The following GLI3 variants were observed in gnomAD, a reference collection of about 807,000 sequenced individuals.
The protein encoded by GLI3 is transcription activator GLI3.
GLI3 carries 20 observed loss-of-function variants against 100.8 expected under a neutral mutation model. The ratio of observed to expected loss-of-function variants is 0.20; its 90% CI spans 0.14 to 0.29. GLI3 has a LOEUF of 0.29. Ranked by LOEUF, GLI3 falls within the 10% of genes least tolerant of loss-of-function variation. The pLI is 1.00. For missense variants in GLI3, 2,040 were observed against 2,128.5 expected, an observed-to-expected ratio of 0.96 and a Z score of 0.82; for synonymous variants, 938 against 860.5, an observed-to-expected ratio of 1.09 and a Z score of -1.58.
chr7:42,097,410 G>A lies in GLI3; in HGVS notation c.368-20553C>T, dbSNP rs1238962549. Among the ~76,000 whole-genome samples, 4 of 152,260 alleles carry A rather than the reference G, an allele frequency of 2.6e-5. No homozygotes were observed. In the East Asian group the frequency reaches 5.8e-4, roughly 22 times the overall value. ...AAGCAGCAGGCATCAGACCCCAGAC[G>A]GTCTCAGCCTCACAGGCCCTGGCCC... is the stretch of plus-strand genomic sequence containing the variant. On this transcript the variant is annotated intron_variant, in intron 3 of 14. Transcript: ENST00000395925.
chr7:42,203,396 C>A (rs1390888959), intron 2 of GLI3, among the ~76,000 whole-genome samples: 1 of 152,168 alleles, frequency 6.6e-6, no homozygotes, highest in Non-Finnish European at 1.5e-5. Context: ...TCCTGTCCCC[C>A]AAGTGCCCCA....
At chr7:42,249,620 A>G (rs1351571283) in intron 1 of GLI3, among the ~76,000 whole-genome samples, 1 of 152,198 alleles carries the variant, frequency 6.6e-6, no homozygotes, top group Non-Finnish European at 1.5e-5. Flanking sequence ...TATCTATTTC[A>G]TAGGGTGCTT....
At chr7:42,038,134 T>C (rs889578419) in intron 7 of GLI3, among the ~76,000 whole-genome samples, 6 of 152,224 alleles carry the variant, frequency 3.9e-5, no homozygotes, top group African/African-American at 1.4e-4. Context: ...CATGTAATAA[T>C]TGCACAATTG....
rs187975644 is a variant in GLI3 at position 42,119,643 on chromosome 7, C to T, written c.367+28583G>A. 2.9e-3 allele frequency among the ~76,000 whole-genome samples: 434 copies of T among 152,276 alleles called. 4 individuals carry two copies. Among genetic ancestry groups the T allele is most frequent in the Middle Eastern group, 0.01 (3 of 294 alleles). ...CACAAAGTAAAATATTCCCAGATTTCCTATAGAAAAATACAGTCACTTTTC... is the reference window on the plus strand; with the variant it reads ...CACAAAGTAAAATATTCCCAGATTTTCTATAGAAAAATACAGTCACTTTTC... On this transcript the variant is annotated intron_variant, in intron 3 of 14. Transcript: ENST00000395925.
At chr7:42,081,986 T>C (rs866417) in intron 3 of GLI3, among the ~76,000 whole-genome samples, 62,335 of 151,792 alleles carry the variant, frequency 0.41, 14,250 homozygotes, top group Admixed American at 0.58. Flanking sequence ...CAGCTAGGGA[T>C]GATTTTCTGT....
At chr7:42,103,867 T>A (rs1346184844) in intron 3 of GLI3, among the ~76,000 whole-genome samples, 1 of 152,190 alleles carries the variant, frequency 6.6e-6, no homozygotes, top group East Asian at 1.9e-4. Context: ...ATAAAAGTGC[T>A]ACAATCTGAT....
rs1207379990 is a variant in GLI3 at position 41,962,506 on chromosome 7, A to C, written c.*1824T>G. 6.6e-6 allele frequency: 1 copy of C among 152,244 alleles called. No individual in the cohort carries two copies. Among genetic ancestry groups the C allele is most frequent in the East Asian group, 1.9e-4 (1 of 5,200 alleles). 9.4% of individuals were successfully genotyped at this position (152,244 alleles called of 1,614,324 possible). ...GAGACACATCCGTTAATTTCAAAGA[A>C]GACTTACATGGGGGAGAACAGCAGG... On this transcript the variant is annotated 3_prime_UTR_variant, in exon 15 of 15. Transcript: ENST00000395925.
chr7:42,237,988 G>C (rs1383417241), upstream of GLI3: 3 of 151,142 alleles, frequency 2.0e-5, no homozygotes, highest in Non-Finnish European at 3.9e-5. Context: ...CGCCGCCGCC[G>C]CCGCCGCCGC....
rs537906078 is a variant in GLI3, at chr7:42,050,983, C to T, written c.474-2287G>A. 5.7e-4 allele frequency among the ~76,000 whole-genome samples: 87 copies of T among 152,242 alleles called. 1 individual carries two copies. The Middle Eastern group carries it at 0.014, about 24-fold the overall frequency. Reference sequence around the variant, plus strand: ...AAGAAAGCCTAGGAAGCTGTTTTCTCCTCACAAAAGTCTATCAAGTCTGAT... The same window carrying T: ...AAGAAAGCCTAGGAAGCTGTTTTCTTCTCACAAAAGTCTATCAAGTCTGAT... On this transcript the variant is annotated intron_variant, in intron 4 of 14. Transcript: ENST00000395925.
intron 3 of GLI3, among the ~76,000 whole-genome samples, chr7:42,124,364 G>C (rs1345536401): frequency 6.6e-6 from 1 of 152,158 alleles, no homozygotes; most frequent in African/African-American, 2.4e-5. Context: ...AGAAAATGTG[G>C]ACGACACTTA....
chr7:41,982,665 G>A (rs1787705541), intron 10 of GLI3, among the ~76,000 whole-genome samples: 6 of 146,834 alleles, frequency 4.1e-5, no homozygotes, highest in South Asian at 4.3e-4. Flanking sequence ...TTGCACTACT[G>A]CACTCCAGCC....
chr7:42,196,280 G>A (rs1357812790), intron 2 of GLI3, among the ~76,000 whole-genome samples: 1 of 152,144 alleles, frequency 6.6e-6, no homozygotes, highest in African/African-American at 2.4e-5. Flanking sequence ...AAACATAGTT[G>A]GATTATCTAG....
Position 41,977,882 on chromosome 7 carries a change from C to G in GLI3, c.1648-160G>C, listed in dbSNP as rs571969597. ...ACTAAACTCTGCATTTATTGGGATT[C>G]AGATGTAGCTTGGTGTAGTTCCAGA... On this transcript the variant is annotated intron_variant, in intron 11 of 14. Coordinates refer to ENST00000395925, the MANE Select transcript of GLI3 (RefSeq NM_000168.6). 22 of 706,018 alleles carry G rather than the reference C, an allele frequency of 3.1e-5. No individual in the cohort carries two copies. The East Asian group carries it at 5.6e-4, about 18-fold the overall frequency. 43.7% of individuals were successfully genotyped at this position (706,018 alleles called of 1,614,324 possible).
At chr7:42,203,649 C>G (rs1381627362) in intron 2 of GLI3, among the ~76,000 whole-genome samples, 3 of 152,138 alleles carry the variant, frequency 2.0e-5, no homozygotes, top group Non-Finnish European at 4.4e-5. Flanking sequence ...GATTCTGTAT[C>G]TTGCCCATTG....
intron 10 of GLI3, 98 bp from the exon 11 acceptor site, chr7:41,978,846 T>A (rs1787579557): frequency 9.8e-7 from 1 of 1,025,118 alleles, no homozygotes; most frequent in South Asian, 1.3e-5. Flanking sequence ...ATCTTAAAAA[T>A]TCTAAAGACC....
rs1562655388 is a variant in GLI3 at position 41,962,717 on chromosome 7, CT to C, written c.*1612del. 2.0e-5 allele frequency: 3 copies of C among 152,142 alleles called. No homozygotes were observed. Among genetic ancestry groups the C allele is most frequent in the African/African-American group, 4.8e-5 (2 of 41,426 alleles). 9.4% of individuals were successfully genotyped at this position (152,142 alleles called of 1,614,324 possible). A position where few individuals can be genotyped will look rare whatever the true frequency, so the allele number is the denominator to read the frequency against. The stretch of plus-strand genomic sequence containing the variant: ...TTAACACTCTTTCTATTATCTAACA[CT>C]TTATTTTACTTGATTTTGTCTTTCT... On this transcript the variant is annotated 3_prime_UTR_variant, in exon 15 of 15. Coordinates refer to ENST00000395925, the MANE Select transcript of GLI3 (RefSeq NM_000168.6).
At position 42,199,129 on chromosome 7, in the gene GLI3, T is replaced by C. The variant is rs3801219; in HGVS notation, c.124+24001A>G. ...GAGTTATAAAAATGCCAGTTAGACATGCAAGAAGCAGCAGGGCTTTGAAAA... is the reference window on the plus strand; with the variant it reads ...GAGTTATAAAAATGCCAGTTAGACACGCAAGAAGCAGCAGGGCTTTGAAAA... On this transcript the variant is annotated intron_variant, in intron 2 of 14. Transcript: ENST00000395925. Among the ~76,000 whole-genome samples the C allele has an allele frequency of 2.8e-3, 419 of 152,254 alleles. 9 individuals are homozygous for C. In the East Asian group the frequency reaches 0.045, roughly 17 times the overall value.
intron 2 of GLI3, among the ~76,000 whole-genome samples, chr7:42,193,695 G>A (rs1438832728): frequency 2.0e-5 from 3 of 152,046 alleles, no homozygotes; most frequent in African/African-American, 7.3e-5. Context: ...TATTACCTGT[G>A]GTTTTCTCAT....
chr7:42,193,442 G>C (rs1406834027), intron 2 of GLI3, among the ~76,000 whole-genome samples: 3 of 151,574 alleles, frequency 2.0e-5, no homozygotes, highest in Non-Finnish European at 4.4e-5. Context: ...ACACACCTTT[G>C]ATCTAGAGTT....
Sources: gnomAD v4.1 joint callset for allele counts (sites outside exome capture counted in the v4.1 genomes callset) on GRCh38, gnomAD v4.1.1 for gene constraint, MANE v1.5 for transcripts, NCBI Gene and HGNC (gene_info 2026-07-23, HGNC 2026-07-21) for gene names.